Variants in AGMO observed in about 807,000 individuals in gnomAD.
AGMO encodes the protein glyceryl-ether monooxygenase.
A neutral mutation model predicts 60.2 loss-of-function variants in AGMO; 75 were observed. That is an observed-to-expected ratio of 1.25 (90% confidence interval 1.03 to 1.51). The LOEUF (loss-of-function observed/expected upper bound fraction) is 1.51. Among genes scored for constraint, AGMO ranks in the 40% most tolerant of loss-of-function variants. The probability of loss-of-function intolerance (pLI) is 0.00; values close to 1 mark genes in which losing one functional copy is unlikely to be tolerated. For synonymous variants in AGMO, 261 were observed against 177.1 expected, an observed-to-expected ratio of 1.47 and a Z score of -3.76; for missense variants, 763 against 525.5, an observed-to-expected ratio of 1.45 and a Z score of -4.42.
chr7:15,410,457 A>T (rs1014210587), intron 5 of AGMO, among the ~76,000 whole-genome samples: 6 of 151,760 alleles, frequency 4.0e-5, no homozygotes, highest in Non-Finnish European at 7.4e-5. Context: ...TAAGAATGCA[A>T]TTTTTTTCCC....
At chr7:15,152,459 C>A in the AGMO span, among the ~76,000 whole-genome samples, 1 of 152,026 alleles carries the variant, frequency 6.6e-6, no homozygotes, top group African/African-American at 2.4e-5. Flanking sequence ...GCACATTGTA[C>A]CCAGTGCGTA....
chr7:15,174,440 A>C, the AGMO span, among the ~76,000 whole-genome samples: 1 of 152,134 alleles, frequency 6.6e-6, no homozygotes, highest in Non-Finnish European at 1.5e-5. Flanking sequence ...TTTAAGAAAG[A>C]TACTTTTCTC....
At chr7:15,362,014 G>GA (rs1782786557) in intron 12 of AGMO, among the ~76,000 whole-genome samples, 1 of 152,052 alleles carries the variant, frequency 6.6e-6, no homozygotes, top group Non-Finnish European at 1.5e-5. Flanking sequence ...TAGCTTCAAA[G>GA]AAAAATGAAG....
chr7:15,530,310 TATATTCTATATACGTATTTCC>T (rs1784266557), intron 3 of AGMO, among the ~76,000 whole-genome samples: 1 of 13,162 alleles, frequency 7.6e-5, no homozygotes, highest in East Asian at 0.019. Context: ...TATTTCCATA[TATATTCTATATACGTATTTCC>T]ATATATATTC....
intron 12 of AGMO, among the ~76,000 whole-genome samples, chr7:15,285,788 C>T (rs1171412500): frequency 6.6e-6 from 1 of 151,856 alleles, no homozygotes; most frequent in African/African-American, 2.4e-5. Flanking sequence ...AAAGAACAAA[C>T]CTGGAGGTAT....
intron 3 of AGMO, among the ~76,000 whole-genome samples, chr7:15,495,860 CT>C (rs57616369): frequency 2.1e-5 from 3 of 145,796 alleles, no homozygotes; most frequent in South Asian, 2.2e-4. Flanking sequence ...TCTCCTCTCT[CT>C]CTCTCCTCTC....
intron 12 of AGMO, among the ~76,000 whole-genome samples, chr7:15,201,997 T>A (rs1405676845): frequency 6.6e-6 from 1 of 152,066 alleles, no homozygotes; most frequent in Non-Finnish European, 1.5e-5. Context: ...CCATCAGATT[T>A]CCCAAAAGTA....
chr7:15,226,936 C>T (rs769235997), intron 12 of AGMO, among the ~76,000 whole-genome samples: 5 of 151,890 alleles, frequency 3.3e-5, no homozygotes, highest in Non-Finnish European at 7.4e-5. Context: ...CAACAAAATA[C>T]CACCTATAAG....
chr7:15,492,641 G>C (rs1783098255), intron 3 of AGMO, among the ~76,000 whole-genome samples: 1 of 151,660 alleles, frequency 6.6e-6, no homozygotes, highest in African/African-American at 2.4e-5. Context: ...TTTTTTACTA[G>C]GTCATAAGGT....
chr7:15,459,955 T>G (rs951072455), intron 3 of AGMO, among the ~76,000 whole-genome samples: 52 of 152,238 alleles, frequency 3.4e-4, no homozygotes, highest in African/African-American at 1.2e-3. Flanking sequence ...CATTCATTGA[T>G]AATTCATTTA....
intron 5 of AGMO, among the ~76,000 whole-genome samples, chr7:15,409,780 G>T (rs997252756): frequency 1.3e-5 from 2 of 151,762 alleles, no homozygotes; most frequent in Non-Finnish European, 2.9e-5. Context: ...GAGGGAAACT[G>T]CATAGTGTAG....
chr7:15,131,311 G>A, the AGMO span, among the ~76,000 whole-genome samples: 1 of 152,178 alleles, frequency 6.6e-6, no homozygotes, highest in African/African-American at 2.4e-5. Flanking sequence ...AATATAACAG[G>A]ATGTAATGCT....
At chr7:15,170,401 A>G in the AGMO span, among the ~76,000 whole-genome samples, 1 of 152,224 alleles carries the variant, frequency 6.6e-6, no homozygotes, top group African/African-American at 2.4e-5. Flanking sequence ...AATAATTAAC[A>G]TAGAAAAATA....
At chr7:15,276,254 T>C (rs1055228277) in intron 12 of AGMO, among the ~76,000 whole-genome samples, 1 of 152,196 alleles carries the variant, frequency 6.6e-6, no homozygotes, top group Admixed American at 6.5e-5. Flanking sequence ...AGCATTTGTT[T>C]GTCTGGGACA....
intron 12 of AGMO, among the ~76,000 whole-genome samples, chr7:15,281,489 G>C (rs1479828799): frequency 6.6e-6 from 1 of 152,100 alleles, no homozygotes; most frequent in Non-Finnish European, 1.5e-5. Flanking sequence ...GATGAAAAGA[G>C]GTGCCTCTCT....
chr7:15,355,932 CA>C (rs1254174261), intron 12 of AGMO, among the ~76,000 whole-genome samples: 4 of 151,676 alleles, frequency 2.6e-5, no homozygotes, highest in South Asian at 2.1e-4. Flanking sequence ...GTAAAAGGTA[CA>C]AAAAAATCAC....
At chr7:15,323,013 G>A (rs1781228764) in intron 12 of AGMO, among the ~76,000 whole-genome samples, 1 of 55,526 alleles carries the variant, frequency 1.8e-5, no homozygotes, top group South Asian at 6.0e-4. Flanking sequence ...TATCAAGAAA[G>A]GAAATTTTGT....
chr7:15,523,023 G>C (rs1237000409), intron 3 of AGMO, among the ~76,000 whole-genome samples: 2 of 152,130 alleles, frequency 1.3e-5, no homozygotes, highest in African/African-American at 4.8e-5. Flanking sequence ...TTATCAAAAA[G>C]TGGGCAAAGG....
rs775191710 is a variant in AGMO at position 15,385,565 on chromosome 7, A to C, written c.958-3T>G. 9.0e-6 allele frequency: 14 copies of C among 1,552,060 alleles called. No individual in the cohort carries two copies. In the Middle Eastern group the frequency reaches 5.0e-4, roughly 56 times the overall value. ...AAGGGAACTTCTTTGCCGGTGACCTAGGGAGACAAGAACCATTTCCTTTAT... is the reference window on the plus strand; with the variant it reads ...AAGGGAACTTCTTTGCCGGTGACCTCGGGAGACAAGAACCATTTCCTTTAT... On this transcript the variant is annotated splice_region_variant and splice_polypyrimidine_tract_variant and intron_variant, in intron 9 of 12. Coordinates refer to ENST00000342526, the MANE Select transcript of AGMO (RefSeq NM_001004320.2).
Sources: gnomAD v4.1 joint callset for allele counts (sites outside exome capture counted in the v4.1 genomes callset) on GRCh38, gnomAD v4.1.1 for gene constraint, MANE v1.5 for transcripts, NCBI Gene and HGNC (gene_info 2026-07-23, HGNC 2026-07-21) for gene names.